ZHX2: variants seen among roughly 807,000 people sequenced by gnomAD.
ZHX2 encodes the protein zinc fingers and homeoboxes protein 2.
In ZHX2, 6 loss-of-function variants were observed where a neutral mutation model predicts 21.9. The ratio of observed to expected loss-of-function variants is 0.27; its 90% CI spans 0.15 to 0.54. The LOEUF (loss-of-function observed/expected upper bound fraction) is 0.54, where lower values mean the gene tolerates loss of function less well. ZHX2 is among the 20% of genes least tolerant of loss of function. The pLI is 0.95. For synonymous variants in ZHX2, 434 were observed against 437.1 expected (o/e 0.99, Z 0.09); for missense variants, 908 against 1,090.7 (o/e 0.83, Z 2.36).
intron 2 of ZHX2, among the ~76,000 whole-genome samples, chr8:122,906,091 A>G (rs1820340851): frequency 1.3e-5 from 2 of 152,350 alleles, no homozygotes; most frequent in East Asian, 3.9e-4. Flanking sequence ...CAATTTCAAT[A>G]TTGGATTAAG....
At chr8:122,921,146 C>T (rs1820728447) in intron 2 of ZHX2, among the ~76,000 whole-genome samples, 1 of 152,050 alleles carries the variant, frequency 6.6e-6, no homozygotes, top group African/African-American at 2.4e-5. Flanking sequence ...TTGGCGTGAT[C>T]TCTGCTCACT....
At chr8:122,844,945 G>A (rs1180199164) in intron 1 of ZHX2, among the ~76,000 whole-genome samples, 1 of 152,216 alleles carries the variant, frequency 6.6e-6, no homozygotes, top group Non-Finnish European at 1.5e-5. Flanking sequence ...GCTTGCATGT[G>A]TGGGGCTTGG....
At chr8:122,835,807 A>C (rs558655568) in intron 1 of ZHX2, among the ~76,000 whole-genome samples, 93 of 152,364 alleles carry the variant, frequency 6.1e-4, no homozygotes, top group Non-Finnish European at 1.1e-3. Flanking sequence ...TCATTTCTTC[A>C]GTTGTCAGCA....
intron 3 of ZHX2, among the ~76,000 whole-genome samples, chr8:122,958,160 A>G (rs1586425937): frequency 6.6e-6 from 1 of 152,208 alleles, no homozygotes; most frequent in East Asian, 1.9e-4. Flanking sequence ...GGCGTTAAGC[A>G]TCTCCTGCAA....
At chr8:122,860,442 A>G (rs918760068) in intron 1 of ZHX2, among the ~76,000 whole-genome samples, 4 of 152,210 alleles carry the variant, frequency 2.6e-5, no homozygotes, top group South Asian at 2.1e-4. Flanking sequence ...TTCAAAAATC[A>G]CAGAGATTTG....
At chr8:122,960,313 C>T (rs1813411374) in intron 3 of ZHX2, among the ~76,000 whole-genome samples, 1 of 152,058 alleles carries the variant, frequency 6.6e-6, no homozygotes, top group African/African-American at 2.4e-5. Context: ...CTGAGTCACA[C>T]AGATCACCTG....
intron 2 of ZHX2, among the ~76,000 whole-genome samples, chr8:122,919,596 T>C (rs956598417): frequency 6.6e-6 from 1 of 152,240 alleles, no homozygotes; most frequent in African/African-American, 2.4e-5. Context: ...ATGACAGGGC[T>C]GTGGTAATTA....
At chr8:122,849,541 G>A (rs187185392) in intron 1 of ZHX2, among the ~76,000 whole-genome samples, 2 of 152,000 alleles carry the variant, frequency 1.3e-5, no homozygotes, top group Non-Finnish European at 2.9e-5. Flanking sequence ...CTGGCTTCGG[G>A]TGCTGCTGGC....
chr8:122,910,740 GGT>G (rs1409224441), intron 2 of ZHX2, among the ~76,000 whole-genome samples: 2 of 151,748 alleles, frequency 1.3e-5, no homozygotes, highest in African/African-American at 4.8e-5. Flanking sequence ...CCTGCTGGGG[GGT>G]GGGGGGTGGG....
rs183718539 is a variant in ZHX2 at position 122,970,055 on chromosome 8, C to T, written c.*5-3187C>T. 2.8e-4 allele frequency among the ~76,000 whole-genome samples: 42 copies of T among 152,216 alleles called. No individual in the cohort carries two copies. The East Asian group carries it at 6.6e-3, about 24-fold the overall frequency. On this transcript the variant is annotated intron_variant, in intron 3 of 3. Transcript: ENST00000314393. ...GTGTTCACCGAGAGCCTGGACATCA[C>T]GTGGTAGAAATGTCCCAGAGGCCAT...
chr8:122,920,644 G>C (rs892239526), intron 2 of ZHX2, among the ~76,000 whole-genome samples: 2 of 152,204 alleles, frequency 1.3e-5, no homozygotes, highest in Non-Finnish European at 2.9e-5. Context: ...TTGGAGGCAT[G>C]TGTCCACATG....
At chr8:122,865,638 G>A (rs1368158293) in intron 2 of ZHX2, among the ~76,000 whole-genome samples, 1 of 152,150 alleles carries the variant, frequency 6.6e-6, no homozygotes, top group East Asian at 1.9e-4. Context: ...CTAGCTGTGG[G>A]GCCTCAAGCA....
chr8:122,928,338 G>A (rs1820904469), intron 2 of ZHX2, among the ~76,000 whole-genome samples: 1 of 152,166 alleles, frequency 6.6e-6, no homozygotes, highest in Non-Finnish European at 1.5e-5. Flanking sequence ...CCTACACCAG[G>A]GGTCTGTCTG....
chr8:122,896,593 A>G (rs1820106737), intron 2 of ZHX2, among the ~76,000 whole-genome samples: 1 of 152,268 alleles, frequency 6.6e-6, no homozygotes, highest in Non-Finnish European at 1.5e-5. Context: ...GGCTCCAGCC[A>G]TGAGCAAAAC....
At chr8:122,949,147 A>G (rs1177415424) in intron 2 of ZHX2, among the ~76,000 whole-genome samples, 2 of 152,158 alleles carry the variant, frequency 1.3e-5, no homozygotes, top group African/African-American at 4.8e-5. Context: ...CAACATGGAG[A>G]AACCCCATCT....
At chr8:122,861,752 AC>A (rs1198682704) in intron 1 of ZHX2, among the ~76,000 whole-genome samples, 1 of 152,128 alleles carries the variant, frequency 6.6e-6, no homozygotes, top group African/African-American at 2.4e-5. Context: ...TGTTTTCCCA[AC>A]TGCAAAATAG....
chr8:122,860,028 A>G lies in ZHX2; in HGVS notation c.-282-3449A>G, dbSNP rs75641680. 9.2e-3 allele frequency among the ~76,000 whole-genome samples: 1,407 copies of G among 152,330 alleles called. 29 individuals are homozygous for G. Among genetic ancestry groups the G allele is most frequent in the African/African-American group, 0.033 (1,351 of 41,562 alleles). On this transcript the variant is annotated intron_variant, in intron 1 of 3. Coordinates refer to ENST00000314393, the MANE Select transcript of ZHX2 (RefSeq NM_014943.5). ...AGAACTGCCTAAGACTGGGTCATTT[A>G]TAAAGGAAAGAGGTTTAATTGACTC...
chr8:122,821,764 G>A (rs879579674), intron 1 of ZHX2, among the ~76,000 whole-genome samples: 16 of 152,050 alleles, frequency 1.1e-4, no homozygotes, highest in Non-Finnish European at 2.2e-4. Context: ...GAGTGCGGTG[G>A]CGCGATCTCG....
chr8:122,895,138 A>T (rs1820070480), intron 2 of ZHX2, among the ~76,000 whole-genome samples: 3 of 152,110 alleles, frequency 2.0e-5, no homozygotes, highest in Admixed American at 2.0e-4. Context: ...ACTGTATTAA[A>T]TTGCAATTAA....
Sources: allele counts gnomAD v4.1 joint callset (sites outside exome capture counted in the v4.1 genomes callset), GRCh38; gene constraint gnomAD v4.1.1; transcripts MANE v1.5; gene names NCBI Gene and HGNC (gene_info 2026-07-23, HGNC 2026-07-21).